Variants in DOCK4 observed in about 807,000 individuals in gnomAD.
DOCK4 encodes dedicator of cytokinesis protein 4.
DOCK4 carries 97 observed loss-of-function variants against 268.1 expected under a neutral mutation model. The observed-to-expected ratio is 0.36, with a 90% CI of 0.31 to 0.43. The LOEUF is 0.43. DOCK4 is among the 20% of genes least tolerant of loss of function. DOCK4 has a pLI of 1.00. For missense variants in DOCK4, 2,145 were observed against 2,455.7 expected (o/e 0.87, Z 2.67); for synonymous variants, 954 against 887.2 (o/e 1.08, Z -1.34).
At chr7:111,756,589 T>G (rs1797037416) in intron 41 of DOCK4, among the ~76,000 whole-genome samples, 1 of 152,104 alleles carries the variant, frequency 6.6e-6, no homozygotes, top group Non-Finnish European at 1.5e-5. Flanking sequence ...CCAGGACATG[T>G]GAAACCATGC....
chr7:111,823,914 A>G (rs979186019), intron 26 of DOCK4, among the ~76,000 whole-genome samples: 1 of 152,180 alleles, frequency 6.6e-6, no homozygotes, highest in Non-Finnish European at 1.5e-5. Flanking sequence ...ACTAAAAACC[A>G]TGTGGTAGCT....
intron 1 of DOCK4, among the ~76,000 whole-genome samples, chr7:112,183,130 T>C (rs1443491755): frequency 6.6e-6 from 1 of 152,190 alleles, no homozygotes; most frequent in Non-Finnish European, 1.5e-5. Context: ...AAGATGTCCA[T>C]AGAAAGAAGG....
chr7:112,114,447 T>C (rs919048635), intron 1 of DOCK4, among the ~76,000 whole-genome samples: 16 of 152,232 alleles, frequency 1.1e-4, no homozygotes, highest in Non-Finnish European at 5.9e-5. Context: ...TGACAGGCTC[T>C]TGTTATTCAT....
chr7:112,034,719 G>C (rs970042122), intron 1 of DOCK4, among the ~76,000 whole-genome samples: 10 of 152,152 alleles, frequency 6.6e-5, no homozygotes, highest in African/African-American at 2.4e-4. Context: ...GGGCATCATG[G>C]TGAAACCCCA....
intron 1 of DOCK4, among the ~76,000 whole-genome samples, chr7:112,093,284 A>G (rs1809807324): frequency 6.6e-6 from 1 of 152,158 alleles, no homozygotes; most frequent in Non-Finnish European, 1.5e-5. Context: ...CCCATTCCCC[A>G]TAAATCTCTG....
intron 23 of DOCK4, among the ~76,000 whole-genome samples, chr7:111,855,350 G>A (rs1804913641): frequency 6.6e-6 from 1 of 152,158 alleles, no homozygotes. Flanking sequence ...AGAAGCTACA[G>A]AGGCACGTGA....
chr7:111,842,962 T>C (rs1262545471), intron 25 of DOCK4, among the ~76,000 whole-genome samples: 1 of 152,240 alleles, frequency 6.6e-6, no homozygotes, highest in African/African-American at 2.4e-5. Flanking sequence ...AAGGTTTATG[T>C]AAGATCCAGA....
In DOCK4 at chr7:111,933,298, A is replaced by ATATATATAT. The variant is rs1554380830; in HGVS notation, c.1066+2241_1066+2242insATATATATA. Among the ~76,000 whole-genome samples, 26 of 74,826 alleles carry ATATATATAT rather than the reference A, an allele frequency of 3.5e-4. 1 individual carries two copies. The highest frequency in any genetic ancestry group is 1.5e-3 in the African/African-American group (23 of 15,228). The allele number at this position is 74,826 out of a possible 152,430, so 49.1% of individuals were successfully genotyped here. A position where few individuals can be genotyped will look rare whatever the true frequency, so the allele number is the denominator to read the frequency against. Reference sequence around the variant, plus strand: ...TATATACATATATATATATATATATATTTTTTTTTTTTTTTGAGATGGAGT... The same window carrying ATATATATAT: ...TATATACATATATATATATATATATATATATATATTTTTTTTTTTTTTTTGAGATGGAGT... On this transcript the variant is annotated intron_variant, in intron 12 of 52. Transcript: ENST00000428084.
intron 32 of DOCK4, among the ~76,000 whole-genome samples, chr7:111,786,595 G>C (rs2133783026): frequency 1.3e-5 from 2 of 152,286 alleles, no homozygotes; most frequent in East Asian, 1.9e-4. Flanking sequence ...CTTACTCCAA[G>C]GGGTCCATTT....
intron 45 of DOCK4, 105 bp from the exon 46 acceptor site, chr7:111,741,766 C>A: frequency 7.1e-7 from 1 of 1,406,774 alleles, no homozygotes; most frequent in South Asian, 1.5e-5. Context: ...GCCATCAAGT[C>A]TTCACATAGG....
intron 1 of DOCK4, among the ~76,000 whole-genome samples, chr7:112,019,877 C>T (rs1802165653): frequency 6.6e-6 from 1 of 152,152 alleles, no homozygotes; most frequent in Non-Finnish European, 1.5e-5. Context: ...CTGCATTTTG[C>T]TGTGAGTTCT....
At chr7:111,802,132 C>T (rs1800346188) in intron 30 of DOCK4, among the ~76,000 whole-genome samples, 1 of 152,162 alleles carries the variant, frequency 6.6e-6, no homozygotes, top group African/African-American at 2.4e-5. Flanking sequence ...TTCCTTCCCT[C>T]AGTTATTTTT....
At chr7:111,758,163 C>T (rs1159496772) in intron 41 of DOCK4, among the ~76,000 whole-genome samples, 1 of 152,204 alleles carries the variant, frequency 6.6e-6, no homozygotes, top group Non-Finnish European at 1.5e-5. Flanking sequence ...CCCAACGTAC[C>T]AGCAGTCTAC....
intron 7 of DOCK4, 44 bp downstream of exon 7, chr7:111,984,262 G>A (rs752145927): frequency 1.3e-6 from 2 of 1,554,226 alleles, no homozygotes; most frequent in African/African-American, 1.4e-5. Flanking sequence ...ATGGAAACCA[G>A]AAAATTAGCA....
At chr7:111,901,045 A>C (rs1263663055) in intron 14 of DOCK4, among the ~76,000 whole-genome samples, 1 of 152,214 alleles carries the variant, frequency 6.6e-6, no homozygotes. Context: ...TATAGAATTA[A>C]ATAATGAAAT....
At chr7:112,144,862 A>T (rs1815299642) in intron 1 of DOCK4, among the ~76,000 whole-genome samples, 1 of 152,184 alleles carries the variant, frequency 6.6e-6, no homozygotes, top group African/African-American at 2.4e-5. Context: ...CTACTGACGC[A>T]AAGCGAGCAG....
chr7:111,955,946 TGA>T (rs1475281229), intron 8 of DOCK4, among the ~76,000 whole-genome samples: 1 of 152,168 alleles, frequency 6.6e-6, no homozygotes, highest in Non-Finnish European at 1.5e-5. Context: ...AATACTTGCT[TGA>T]GTCTCTCTCT....
intron 1 of DOCK4, among the ~76,000 whole-genome samples, chr7:112,171,919 G>A (rs1261616148): frequency 6.6e-6 from 1 of 152,196 alleles, no homozygotes; most frequent in African/African-American, 2.4e-5. Context: ...CTTGCAGATG[G>A]CTGTCCTCTT....
At chr7:111,889,053 T>C (rs989316431) in intron 16 of DOCK4, among the ~76,000 whole-genome samples, 10 of 152,246 alleles carry the variant, frequency 6.6e-5, no homozygotes, top group East Asian at 1.9e-4. Flanking sequence ...CTGGTTAGCA[T>C]TGAAGGGGCT....
Sources: allele counts gnomAD v4.1 joint callset (sites outside exome capture counted in the v4.1 genomes callset), GRCh38; gene constraint gnomAD v4.1.1; transcripts MANE v1.5; gene names NCBI Gene and HGNC (gene_info 2026-07-23, HGNC 2026-07-21).